MVB12A: variants seen among roughly 807,000 people sequenced by gnomAD.
MVB12A encodes the protein CIN85/CD2AP family binding protein.
Under a neutral mutation model 34.3 loss-of-function variants are expected in MVB12A, and 30 were observed. The ratio of observed to expected loss-of-function variants is 0.88; its 90% CI spans 0.65 to 1.19. The LOEUF (loss-of-function observed/expected upper bound fraction) is 1.19. MVB12A is among the 50% of genes most tolerant of loss of function. The probability of loss-of-function intolerance (pLI) is 0.00; values close to 1 mark genes in which losing one functional copy is unlikely to be tolerated. For missense variants in MVB12A, 355 were observed against 369.2 expected (o/e 0.96, Z 0.31); for synonymous variants, 158 against 158.9 (o/e 0.99, Z 0.04).
intron 8 of MVB12A, 21 bp downstream of exon 8, chr19:17,424,698 G>A: frequency 6.3e-7 from 1 of 1,598,776 alleles, no homozygotes; most frequent in Middle Eastern, 1.7e-4. Flanking sequence ...GGCTAGGGAG[G>A]AGGTGGGTGC....
At chr19:17,419,876 A>G (rs1178994540), upstream of MVB12A, 7 of 338,102 alleles carry the variant, frequency 2.1e-5, no homozygotes, top group Admixed American at 3.4e-4. Flanking sequence ...TGGGCGCGGA[A>G]AGCCGGCAAG....
rs1424144971 is a variant in MVB12A at position 17,410,549 on chromosome 19, T to C, written c.-5+4253T>C. Reference sequence around the variant, plus strand: ...ATATATACACACACACATATATATATACACACACATATATATACATATATA... The same window carrying C: ...ATATATACACACACACATATATATACACACACACATATATATACATATATA... On this transcript the variant is annotated intron_variant, in intron 2 of 6. Coordinates refer to the MVB12A transcript ENST00000528604. 7.1e-4 allele frequency among the ~76,000 whole-genome samples: 82 copies of C among 115,264 alleles called. 1 individual carries two copies. Among genetic ancestry groups the C allele is most frequent in the South Asian group, 1.1e-3 (4 of 3,568 alleles). The allele number at this position is 115,264 out of a possible 152,430, so 75.6% of individuals were successfully genotyped here. A position where few individuals can be genotyped will look rare whatever the true frequency, so the allele number is the denominator to read the frequency against.
chr19:17,422,311 T>C, intron 3 of MVB12A, 21 bp from the exon 4 acceptor site: 1 of 1,594,598 alleles, frequency 6.3e-7, no homozygotes, highest in Non-Finnish European at 8.6e-7. Context: ...CCTCTCTCAC[T>C]CCCCTACCCC....
intron 2 of MVB12A, among the ~76,000 whole-genome samples, chr19:17,410,127 G>A (rs572243724): frequency 2.0e-5 from 3 of 151,862 alleles, no homozygotes; most frequent in South Asian, 2.1e-4. Context: ...AATTACTTTC[G>A]CAATAAAATT....
intron 3 of MVB12A, 118 bp downstream of exon 3, chr19:17,420,752 G>T: frequency 1.4e-6 from 1 of 704,612 alleles, no homozygotes; most frequent in South Asian, 1.6e-5. Context: ...ACGGGGTGAT[G>T]ACAGGGTTGG....
At chr19:17,406,256 C>T (rs889763276) in exon 2 of MVB12A, 8 of 152,156 alleles carry the variant, frequency 5.3e-5, no homozygotes, top group Non-Finnish European at 1.0e-4. Context: ...AAACAAGCTC[C>T]TACTTCCAGA....
At chr19:17,417,901 CTT>C (rs35259022), upstream of MVB12A, 8,343 of 233,060 alleles carry the variant, frequency 0.036, no homozygotes, top group Middle Eastern at 0.057. Flanking sequence ...CTTCTTCTTC[CTT>C]TTTTTTTTTT....
chr19:17,420,272 G>C (rs376262904), intron 1 of MVB12A, 41 bp from the exon 2 acceptor site: 1 of 1,552,160 alleles, frequency 6.4e-7, no homozygotes, highest in African/African-American at 1.4e-5. Flanking sequence ...GGCAGTCGCT[G>C]TGGGGTGGGA....
intron 2 of MVB12A, chr19:17,413,323 C>T (rs76740913): frequency 0.03 from 4,523 of 152,456 alleles, 199 homozygotes; most frequent in African/African-American, 0.098. Context: ...TCCCCCCACC[C>T]CTCACCTCAA....
intron 2 of MVB12A, among the ~76,000 whole-genome samples, chr19:17,410,953 A>T (rs2074765470): frequency 7.0e-6 from 1 of 143,110 alleles, no homozygotes; most frequent in Admixed American, 7.1e-5. Context: ...GAAAAGAAAC[A>T]TTTTATTTTA....
Position 17,422,424 on chromosome 19 carries a change from A to G in MVB12A, c.379A>G (p.Lys127Glu). ...TAVFDVRLSGKTKTVPGYLRI... is the reference protein window; with the variant it reads ...TAVFDVRLSGETKTVPGYLRI... ...TGTGTTTGATGTCCGGCTGAGTGGG[A>G]AGACCAAGACAGTGCCTGGATACCT... Residue 127 changes from lysine to glutamate, a missense_variant, in exon 4 of 9, where the codon AAG becomes GAG. Coordinates refer to ENST00000317040, the MANE Select transcript of MVB12A (RefSeq NM_138401.4). The G allele has an allele frequency of 1.9e-6, 3 of 1,613,340 alleles. No individual in the cohort carries two copies. The highest frequency in any genetic ancestry group is 2.5e-6 in the Non-Finnish European group (3 of 1,179,606).
At chr19:17,408,014 C>A (rs921368570) in intron 2 of MVB12A, among the ~76,000 whole-genome samples, 5 of 152,228 alleles carry the variant, frequency 3.3e-5, no homozygotes, top group African/African-American at 4.8e-5. Context: ...CTCACTATGT[C>A]CCCTCAGCTC....
chr19:17,423,571 A>C lies in MVB12A; in HGVS notation c.487A>C (p.Ser163Arg). The change falls in exon 5 of 9, where the codon AGC becomes CGC. Residue 163 changes from serine (S) to arginine (R), a missense_variant. Ser to Arg is a moderately radical substitution (Grantham distance 110). Transcript: ENST00000317040. Reference sequence around the variant, plus strand: ...GCCAGTGCCCAAGCCCCGAGGTCTCAGCCGGGACATGCAGGGCCTCTCTCT... The same window carrying C: ...GCCAGTGCCCAAGCCCCGAGGTCTCCGCCGGGACATGCAGGGCCTCTCTCT... ...PRPVPKPRGLSRDMQGLSLDA... is the reference protein window; with the variant it reads ...PRPVPKPRGLRRDMQGLSLDA... The C allele has an allele frequency of 6.2e-7, 1 of 1,614,154 alleles. No homozygotes were observed. The highest frequency in any genetic ancestry group is 8.5e-7 in the Non-Finnish European group (1 of 1,180,022).
intron 2 of MVB12A, chr19:17,413,048 G>GT (rs2074778558): frequency 6.6e-6 from 1 of 151,676 alleles, no homozygotes; most frequent in Non-Finnish European, 1.5e-5. Context: ...ATTTGTGAGG[G>GT]TGATCATCTG....
At chr19:17,414,350 C>G (rs1447954366) in intron 2 of MVB12A, 1 of 152,250 alleles carries the variant, frequency 6.6e-6, no homozygotes, top group Non-Finnish European at 1.5e-5. Context: ...AGTGGCACTC[C>G]TCTCTCACAC....
At chr19:17,409,234 G>A (rs1362486541) in intron 2 of MVB12A, among the ~76,000 whole-genome samples, 1 of 149,636 alleles carries the variant, frequency 6.7e-6, no homozygotes. Flanking sequence ...GGGTTGAAGT[G>A]ATTCTTCTGC....
intron 8 of MVB12A, 58 bp from the exon 9 acceptor site, chr19:17,424,873 C>G: frequency 7.5e-7 from 1 of 1,341,672 alleles, no homozygotes; most frequent in East Asian, 2.3e-5. Flanking sequence ...CAGTCACTCC[C>G]CCTTTGGCCC....
intron 2 of MVB12A, among the ~76,000 whole-genome samples, chr19:17,411,592 A>G (rs552505399): frequency 9.2e-5 from 14 of 152,122 alleles, no homozygotes; most frequent in African/African-American, 3.4e-4. Flanking sequence ...TCCTGGGCTC[A>G]AGCGATCCTC....
At chr19:17,412,055 A>G (rs2074772429) in intron 2 of MVB12A, among the ~76,000 whole-genome samples, 1 of 152,126 alleles carries the variant, frequency 6.6e-6, no homozygotes, top group South Asian at 2.1e-4. Flanking sequence ...GATGTAGGCC[A>G]GGGATGCTGC....
Sources: gnomAD v4.1 joint callset for allele counts (sites outside exome capture counted in the v4.1 genomes callset) on GRCh38, gnomAD v4.1.1 for gene constraint, MANE v1.5 for transcripts, NCBI Gene and HGNC (gene_info 2026-07-23, HGNC 2026-07-21) for gene names.